The following WDR43 variants were observed in gnomAD, a reference collection of about 807,000 sequenced individuals.
WDR43 encodes WD repeat domain 43, also known as WD repeat-containing protein 43.
Under a neutral mutation model 91.4 loss-of-function variants are expected in WDR43, and 13 were observed. The ratio of observed to expected loss-of-function variants is 0.14; its 90% confidence interval spans 0.09 to 0.23. The LOEUF (loss-of-function observed/expected upper bound fraction) is 0.23, where lower values mean the gene tolerates loss of function less well. Among genes scored for constraint, WDR43 ranks in the 10% least tolerant of loss-of-function variants. The pLI, the probability that WDR43 is intolerant of heterozygous loss-of-function variation, is 1.00. For missense variants in WDR43, 780 were observed against 809.4 expected, an observed-to-expected ratio of 0.96 and a Z score of 0.44; for synonymous variants, 331 against 287.9, an observed-to-expected ratio of 1.15 and a Z score of -1.51.
intron 16 of WDR43, among the ~76,000 whole-genome samples, chr2:28,944,123 A>G (rs772820075): frequency 6.6e-6 from 1 of 152,192 alleles, no homozygotes; most frequent in Non-Finnish European, 1.5e-5. Flanking sequence ...TTCTTCATAT[A>G]GTTCAAATAA....
At chr2:28,927,723 A>G (rs1671169711) in intron 10 of WDR43, 23 bp downstream of exon 10, 11 of 1,609,796 alleles carry the variant, frequency 6.8e-6, no homozygotes, top group Non-Finnish European at 9.3e-6. Flanking sequence ...CTTTGACCAT[A>G]TATTTGAGTT....
chr2:28,894,750 C>G lies in WDR43; in HGVS notation c.52C>G (p.Pro18Ala). ...CGACCCCCTGGCCCCTGCTGGGGTC[C>G]CTTGCGCCTTCTCCCCGCACAGCCA... The part of the protein sequence containing the change: ...SCDPLAPAGV[P>A]CAFSPHSQAY... The change falls in exon 1 of 18, where the codon CCT becomes GCT. Residue 18 changes from proline (P) to alanine (A), a missense_variant. Physicochemically the swap from Pro to Ala is conservative, Grantham distance 27. Coordinates refer to ENST00000407426, the MANE Select transcript of WDR43 (RefSeq NM_015131.3). The G allele has an allele frequency of 6.3e-7, 1 of 1,596,854 alleles. No homozygotes were observed.
At chr2:28,928,514 T>C (rs1671184574) in intron 10 of WDR43, among the ~76,000 whole-genome samples, 1 of 152,208 alleles carries the variant, frequency 6.6e-6, no homozygotes, top group African/African-American at 2.4e-5. Context: ...AATTTCCCCA[T>C]GTCCTTTTTA....
chr2:28,922,381 C>T (rs1671046814), intron 6 of WDR43, among the ~76,000 whole-genome samples: 1 of 152,070 alleles, frequency 6.6e-6, no homozygotes, highest in Admixed American at 6.6e-5. Flanking sequence ...AGGCTGACAG[C>T]AAGAGTCTGG....
At chr2:28,936,451 G>GT (rs1351689059) in intron 12 of WDR43, among the ~76,000 whole-genome samples, 1 of 152,118 alleles carries the variant, frequency 6.6e-6, no homozygotes, top group Admixed American at 6.5e-5. Flanking sequence ...GTGGTCATGT[G>GT]TTTTTGTAAT....
chr2:28,937,382 T>A (rs58175743), intron 13 of WDR43, among the ~76,000 whole-genome samples: 5,770 of 152,048 alleles, frequency 0.038, 360 homozygotes, highest in African/African-American at 0.13. Flanking sequence ...TATATTATCA[T>A]CAGTATCTAG....
chr2:28,921,928 G>A (rs1299483442), intron 6 of WDR43, among the ~76,000 whole-genome samples: 1 of 152,022 alleles, frequency 6.6e-6, no homozygotes, highest in Non-Finnish European at 1.5e-5. Flanking sequence ...TTCCTAGTCT[G>A]GTCTCGAACT....
intron 11 of WDR43, among the ~76,000 whole-genome samples, chr2:28,932,421 C>A (rs1671266198): frequency 6.6e-6 from 1 of 152,114 alleles, no homozygotes; most frequent in Non-Finnish European, 1.5e-5. Context: ...TCTTGGCCTC[C>A]CAGAATGCTG....
At chr2:28,929,744 T>A (rs757405871) in intron 11 of WDR43, 34 bp downstream of exon 11, 1 of 1,585,898 alleles carries the variant, frequency 6.3e-7, no homozygotes, top group East Asian at 2.2e-5. Context: ...TAAATTAACA[T>A]GGTTAATATT....
chr2:28,931,904 G>T (rs1160426254), intron 11 of WDR43, among the ~76,000 whole-genome samples: 4 of 146,676 alleles, frequency 2.7e-5, no homozygotes, highest in African/African-American at 7.6e-5. Flanking sequence ...AATGAGACAG[G>T]GTCTCACTCT....
chr2:28,903,467 A>G (rs1670615208), intron 2 of WDR43, among the ~76,000 whole-genome samples: 1 of 152,206 alleles, frequency 6.6e-6, no homozygotes, highest in Non-Finnish European at 1.5e-5. Flanking sequence ...CAAAACAGCA[A>G]CAACGACAAC....
chr2:28,938,378 G>A (rs551234808), intron 14 of WDR43, among the ~76,000 whole-genome samples: 34 of 152,104 alleles, frequency 2.2e-4, no homozygotes, highest in African/African-American at 8.2e-4. Context: ...AGGATAAAAT[G>A]TAGTTAATGG....
intron 11 of WDR43, among the ~76,000 whole-genome samples, chr2:28,931,877 T>TCC: frequency 6.8e-6 from 1 of 146,554 alleles, no homozygotes; most frequent in Non-Finnish European, 1.5e-5. Flanking sequence ...CCCCGCCCTT[T>TCC]TTTTTTTTTT....
rs1359586309 is a variant in WDR43 at position 28,946,977 on chromosome 2, CTT to C, written c.*200_*201del. ...AGTGTTTCATTCAAATGTTAATAAA[CTT>C]TACACAGTATATAGACACATTTTCT... On this transcript the variant is annotated 3_prime_UTR_variant, in exon 18 of 18. Coordinates refer to ENST00000407426, the MANE Select transcript of WDR43 (RefSeq NM_015131.3). 1 of 563,370 alleles carries C rather than the reference CTT, an allele frequency of 1.8e-6. No individual in the cohort carries two copies. Among genetic ancestry groups the C allele is most frequent in the Admixed American group, 3.5e-5 (1 of 28,816 alleles). The allele number at this position is 563,370 out of a possible 1,614,324, so 34.9% of individuals were successfully genotyped here.
Position 28,942,364 on chromosome 2 carries a change from A to G in WDR43, c.1787A>G (p.Lys596Arg), listed in dbSNP as rs1414960487. The G allele has an allele frequency of 6.2e-7, 1 of 1,613,510 alleles. No homozygotes were observed. The highest frequency in any genetic ancestry group is 8.5e-7 in the Non-Finnish European group (1 of 1,179,640). The change falls in exon 16 of 18, where the codon AAG becomes AGG. Residue 596 changes from lysine (K) to arginine (R), a missense_variant. Around this residue, in one of 4 missense-constraint regions of WDR43, gnomAD observed 426 missense variants for 467.8 expected, o/e 0.91. Coordinates refer to ENST00000407426, the MANE Select transcript of WDR43 (RefSeq NM_015131.3). ...KGATSPGQKA[K>R]LVYEEESSEE... ...GCAACTTCCCCTGGACAGAAGGCAA[A>G]GTTGGTGTATGAAGAAGGTAAAGAC...
chr2:28,916,495 G>A (rs1185464074), intron 5 of WDR43, among the ~76,000 whole-genome samples: 1 of 152,096 alleles, frequency 6.6e-6, no homozygotes, highest in Non-Finnish European at 1.5e-5. Context: ...TTCTCTAATG[G>A]CTGGGATGTT....
chr2:28,924,847 G>T, intron 7 of WDR43, 135 bp from the exon 8 acceptor site: 1 of 968,430 alleles, frequency 1.0e-6, no homozygotes. Flanking sequence ...CTCATGCTCC[G>T]GAGACCCAGG....
chr2:28,924,904 G>C, intron 7 of WDR43, 78 bp from the exon 8 acceptor site: 2 of 1,524,532 alleles, frequency 1.3e-6, no homozygotes, highest in Non-Finnish European at 1.8e-6. Context: ...CACATTTCGT[G>C]ACTTGATGTC....
chr2:28,903,280 C>T (rs983792664), intron 2 of WDR43, among the ~76,000 whole-genome samples: 1 of 152,086 alleles, frequency 6.6e-6, no homozygotes, highest in African/African-American at 2.4e-5. Context: ...AAAACAATTT[C>T]TTTTTCTTAC....
Sources: gnomAD v4.1 joint callset for allele counts (sites outside exome capture counted in the v4.1 genomes callset) on GRCh38, gnomAD v4.1.1 for gene constraint, gnomAD v4.1.1 regional missense constraint, MANE v1.5 for transcripts, NCBI Gene and HGNC (gene_info 2026-07-23, HGNC 2026-07-21) for gene names.